The following PGAP6 variants were observed in gnomAD, a reference collection of about 807,000 sequenced individuals.
PGAP6 encodes the protein post-GPI attachment to proteins 6, also known as post-GPI attachment to proteins factor 6.
A neutral mutation model predicts 68.4 loss-of-function variants in PGAP6; 62 were observed. The observed-to-expected ratio is 0.91, with a 90% CI of 0.74 to 1.12. The LOEUF is 1.12. Ranked by LOEUF, PGAP6 falls within the 50% of genes most tolerant of loss-of-function variation. The pLI, the probability that PGAP6 is intolerant of heterozygous loss-of-function variation, is 0.00. For missense variants in PGAP6, 1,188 were observed against 1,068.5 expected, an observed-to-expected ratio of 1.11 and a Z score of -1.56; for synonymous variants, 575 against 474.0, an observed-to-expected ratio of 1.21 and a Z score of -2.77.
chr16:383,134 A>C (rs1256682370), upstream of PGAP6, among the ~76,000 whole-genome samples: 1 of 128,252 alleles, frequency 7.8e-6, no homozygotes, highest in Non-Finnish European at 1.8e-5. Flanking sequence ...AAAACACAAA[A>C]ACAAAAACAA....
In PGAP6 at chr16:381,810, A is replaced by G. The variant is rs986138432; in HGVS notation, c.12T>C (p.Ala4=). Reference sequence around the variant, plus strand: ...CCGCCTCGCCCCCGGTCCCGGTGCCAGCCCGGCCCATGGCTCCGCGCTCGG... The same window carrying G: ...CCGCCTCGCCCCCGGTCCCGGTGCCGGCCCGGCCCATGGCTCCGCGCTCGG... The part of the protein sequence containing the change: MGR[A]GTGTGGEAVA... Residue 4 remains alanine, a synonymous_variant, in exon 1 of 13, where the codon GCT becomes GCC. Coordinates refer to ENST00000431232, the MANE Select transcript of PGAP6 (RefSeq NM_021259.3). 31 of 1,120,810 alleles carry G rather than the reference A, an allele frequency of 2.8e-5. No homozygotes were observed. The highest frequency in any genetic ancestry group is 3.3e-5 in the Non-Finnish European group (30 of 917,404). The allele number at this position is 1,120,810 out of a possible 1,614,324, so 69.4% of individuals were successfully genotyped here.
intron 11 of PGAP6, 57 bp downstream of exon 11, chr16:373,948 C>T: frequency 2.0e-6 from 3 of 1,527,524 alleles, no homozygotes; most frequent in Non-Finnish European, 2.6e-6. Context: ...CTTTCGCAGG[C>T]TGCACTTGGG....
chr16:374,255 G>T lies in PGAP6; in HGVS notation c.1721C>A (p.Ala574Asp). 1 of 1,608,124 alleles carries T rather than the reference G, an allele frequency of 6.2e-7. No individual in the cohort carries two copies. The highest frequency in any genetic ancestry group is 1.1e-5 in the South Asian group (1 of 91,052). ...VSVRRFFLVEASVYAYTMFFS... is the reference protein window; with the variant it reads ...VSVRRFFLVEDSVYAYTMFFS... The stretch of plus-strand genomic sequence containing the variant: ...GAACATGGTGTAGGCGTAGACGGAG[G>T]CCTCCACCAGGAAGAATCGCCGCAC... The change falls in exon 10 of 13, where the codon GCC becomes GAC. Residue 574 changes from alanine (A) to aspartate (D), a missense_variant. By Grantham distance (126) the Ala-to-Asp change is moderately radical (BLOSUM62 -2). Transcript: ENST00000431232.
upstream of PGAP6, among the ~76,000 whole-genome samples, chr16:385,310 A>ATTTT (rs35605582): frequency 1.3e-4 from 15 of 112,418 alleles, no homozygotes; most frequent in African/African-American, 4.1e-4. Context: ...ATATACTCTG[A>ATTTT]TTTTTTTTTT....
Position 381,940 on chromosome 16 carries a change from A to T in PGAP6, c.-119T>A. On this transcript the variant is annotated 5_prime_UTR_variant, in exon 1 of 13. An upstream start codon of the reference 5' UTR is lost. Transcript: ENST00000431232. ...GCCTCCGCCTCTGCCCCCGGCGCCC[A>T]TGGCCCGGCCGGTCCCCGCCGCCGT... is the stretch of plus-strand genomic sequence containing the variant. 1 of 966,382 alleles carries T rather than the reference A, an allele frequency of 1.0e-6. No homozygotes were observed. The highest frequency in any genetic ancestry group is 1.2e-4 in the East Asian group (1 of 8,430). The allele number at this position is 966,382 out of a possible 1,614,324, so 59.9% of individuals were successfully genotyped here. A position where few individuals can be genotyped will look rare whatever the true frequency, so the allele number is the denominator to read the frequency against.
At chr16:379,969 G>A (rs930292892) in intron 1 of PGAP6, among the ~76,000 whole-genome samples, 22 of 152,240 alleles carry the variant, frequency 1.4e-4, no homozygotes, top group African/African-American at 5.1e-4. Context: ...CAAGTCCCTG[G>A]CCCTGTCCTG....
At chr16:382,149 G>A, upstream of PGAP6, 1 of 382,762 alleles carries the variant, frequency 2.6e-6, no homozygotes, top group East Asian at 3.7e-5. Flanking sequence ...GCGGTCCGGG[G>A]GGACGCTGGA....
chr16:373,950 G>A, intron 11 of PGAP6, 55 bp downstream of exon 11: 1 of 1,531,916 alleles, frequency 6.5e-7, no homozygotes, highest in East Asian at 2.4e-5. Context: ...TTCGCAGGCT[G>A]CACTTGGGGG....
rs775345548 is a variant in PGAP6 at position 377,541 on chromosome 16, G to T, written c.344C>A (p.Thr115Asn). ...GAPPVINPLG[T>N]SFPDDTAVQP... ...TACCGCGGTGTCGTCCGGGAAGCTG[G>T]TGCCCAGCGGGTTGATGACCGGAGG... Residue 115 changes from threonine (T) to asparagine (N), a missense_variant, in exon 3 of 13, where the codon ACC becomes AAC. Physicochemically the swap from Thr to Asn is moderately conservative, Grantham distance 65. Transcript: ENST00000431232. 1 of 1,590,116 alleles carries T rather than the reference G, an allele frequency of 6.3e-7. No individual in the cohort carries two copies. Among genetic ancestry groups the T allele is most frequent in the Non-Finnish European group, 8.6e-7 (1 of 1,168,844 alleles).
rs776669195 is a variant in PGAP6 at position 373,560 on chromosome 16, T to A, written c.1902+445A>T. Among the ~76,000 whole-genome samples, 84 of 152,320 alleles carry A rather than the reference T, an allele frequency of 5.5e-4. 1 individual carries two copies. Among genetic ancestry groups the A allele is most frequent in the African/African-American group, 1.6e-3 (66 of 41,578 alleles). ...GGCATCACAGAAGACATGAGGTTTC[T>A]TTTCTTTTCTTTTGTCACCCAGGCT... On this transcript the variant is annotated intron_variant, in intron 11 of 12. Coordinates refer to ENST00000431232, the MANE Select transcript of PGAP6 (RefSeq NM_021259.3).
intron 1 of PGAP6, among the ~76,000 whole-genome samples, chr16:380,794 G>T (rs1354624736): frequency 6.6e-6 from 1 of 151,074 alleles, no homozygotes; most frequent in African/African-American, 2.5e-5. Context: ...TATTTCAGGG[G>T]CAGGGGAGGG....
At position 378,476 on chromosome 16, in the gene PGAP6, G is replaced by A. The variant is rs76326299; in HGVS notation, c.122-628C>T. On this transcript the variant is annotated intron_variant, in intron 1 of 12. Transcript: ENST00000431232. The stretch of plus-strand genomic sequence containing the variant: ...GCCACCCACACTGCCATCGCCACCC[G>A]CACTGCCATCGCCACTCTGACTGCC... 8.0e-4 allele frequency among the ~76,000 whole-genome samples: 71 copies of A among 89,200 alleles called. 14 individuals are homozygous for A. Among genetic ancestry groups the A allele is most frequent in the South Asian group, 1.4e-3 (3 of 2,194 alleles). 58.5% of individuals were successfully genotyped at this position (89,200 alleles called of 152,430 possible).
Position 375,331 on chromosome 16 carries a change from C to T in PGAP6, c.1315+14G>A, listed in dbSNP as rs763521154. ...GGCCGGGGCCACGCTGACGGTGACG[C>T]CTGCCCATCATACCTGTGGTGCAGT... On this transcript the variant is annotated intron_variant, in intron 7 of 12. Coordinates refer to ENST00000431232, the MANE Select transcript of PGAP6 (RefSeq NM_021259.3). 2 of 1,612,756 alleles carry T rather than the reference C, an allele frequency of 1.2e-6. No homozygotes were observed. Among genetic ancestry groups the T allele is most frequent in the Non-Finnish European group, 1.7e-6 (2 of 1,179,928 alleles).
At chr16:373,700 C>T (rs1048097556) in intron 11 of PGAP6, among the ~76,000 whole-genome samples, 1 of 152,242 alleles carries the variant, frequency 6.6e-6, no homozygotes, top group Admixed American at 6.5e-5. Context: ...CCACTACGCT[C>T]GGCTAACTTT....
intron 4 of PGAP6, 73 bp downstream of exon 4, chr16:376,964 C>A (rs2054389945): frequency 6.3e-7 from 1 of 1,589,782 alleles, no homozygotes; most frequent in South Asian, 1.1e-5. Context: ...GGGCCAGGCT[C>A]TCGCACCCAC....
chr16:382,091 AG>A (rs909116095), upstream of PGAP6: 4 of 285,298 alleles, frequency 1.4e-5, no homozygotes, highest in Middle Eastern at 1.0e-3. Flanking sequence ...GGGCGCCGGT[AG>A]GGGGGAGGGG....
In PGAP6 at chr16:376,377, A is replaced by G; in HGVS notation, c.983T>C (p.Leu328Pro). The G allele has an allele frequency of 6.2e-7, 1 of 1,609,758 alleles. No homozygotes were observed. The highest frequency in any genetic ancestry group is 1.1e-5 in the South Asian group (1 of 90,978). Residue 328 changes from leucine to proline, a missense_variant, in exon 6 of 13, where the codon CTG becomes CCG. Coordinates refer to ENST00000431232, the MANE Select transcript of PGAP6 (RefSeq NM_021259.3). The stretch of plus-strand genomic sequence containing the variant: ...CTGGTGGTCGGGGCTCGGGGACAGC[A>G]GACCAGAGGAGGCATTGAAGCTCTG... ...QNQSFNASSG[L>P]LSPSPDHQDL...
At chr16:385,456 C>T (rs149675193), upstream of PGAP6, among the ~76,000 whole-genome samples, 540 of 147,954 alleles carry the variant, frequency 3.6e-3, 11 homozygotes, top group African/African-American at 0.013. Flanking sequence ...GGACTACAGG[C>T]GCCCGCTACC....
At position 372,242 on chromosome 16, in the gene PGAP6, C is replaced by G. The variant is rs377161853; in HGVS notation, c.2061G>C (p.Ser687=). 1 of 1,612,046 alleles carries G rather than the reference C, an allele frequency of 6.2e-7. No homozygotes were observed. The highest frequency in any genetic ancestry group is 1.1e-5 in the South Asian group (1 of 91,072). ...GGAGGTAGAAGGCCCAGCGCTGCCA[C>G]GAGGTGGGGTAGCACTGGCGCCGGT... ...CGHRRQCYPT[S]WQRWAFYLLP... Residue 687 remains serine (S), a synonymous_variant, in exon 13 of 13, where the codon TCG becomes TCC. Transcript: ENST00000431232.
Sources: allele counts gnomAD v4.1 joint callset (sites outside exome capture counted in the v4.1 genomes callset), GRCh38; gene constraint gnomAD v4.1.1; transcripts MANE v1.5; gene names NCBI Gene and HGNC (gene_info 2026-07-23, HGNC 2026-07-21).